TRHDE: variants seen among roughly 807,000 people sequenced by gnomAD.
TRHDE encodes the protein thyrotropin releasing hormone degrading enzyme.
A neutral mutation model predicts 125.7 loss-of-function variants in TRHDE; 72 were observed. That is an observed-to-expected ratio of 0.57 (90% confidence interval 0.47 to 0.70). The LOEUF is 0.70. Among genes scored for constraint, TRHDE ranks in the 30% least tolerant of loss-of-function variants. TRHDE has a pLI of 0.00. For missense variants in TRHDE, 1,110 were observed against 1,327.1 expected (o/e 0.84, Z 2.54); for synonymous variants, 509 against 509.1 (o/e 1.00, Z 0.00).
chr12:72,444,020 T>C (rs1349830707), intron 3 of TRHDE, among the ~76,000 whole-genome samples: 1 of 151,892 alleles, frequency 6.6e-6, no homozygotes, highest in Admixed American at 6.6e-5. Flanking sequence ...AATGCTAATT[T>C]ATTTCCTTCC....
At chr12:72,193,854 A>T (rs904589135) in intron 2 of TRHDE, among the ~76,000 whole-genome samples, 2 of 152,070 alleles carry the variant, frequency 1.3e-5, no homozygotes, top group African/African-American at 4.8e-5. Context: ...CATGAACAGG[A>T]TCCACACTTC....
At chr12:72,439,539 A>G (rs1874901188) in intron 3 of TRHDE, among the ~76,000 whole-genome samples, 1 of 151,482 alleles carries the variant, frequency 6.6e-6, no homozygotes, top group African/African-American at 2.4e-5. Context: ...TAGGTACTTA[A>G]TTTTTTTGTA....
chr12:72,280,598 AG>A (rs1879661734), intron 1 of TRHDE, among the ~76,000 whole-genome samples: 1 of 152,200 alleles, frequency 6.6e-6, no homozygotes, highest in African/African-American at 2.4e-5. Flanking sequence ...TTTCAGCCAG[AG>A]AATCTCCCAG....
At chr12:72,467,808 C>G (rs1412885722) in intron 3 of TRHDE, among the ~76,000 whole-genome samples, 1 of 152,174 alleles carries the variant, frequency 6.6e-6, no homozygotes, top group Non-Finnish European at 1.5e-5. Context: ...GAGCGAGACT[C>G]CATCTCAAAC....
At chr12:72,436,890 T>G (rs780280309) in intron 3 of TRHDE, among the ~76,000 whole-genome samples, 1 of 151,894 alleles carries the variant, frequency 6.6e-6, no homozygotes, top group Admixed American at 6.6e-5. Context: ...TACAGCAAAA[T>G]TTTAACACGC....
At chr12:72,149,053 C>G (rs535694096) in intron 2 of TRHDE, among the ~76,000 whole-genome samples, 1 of 151,990 alleles carries the variant, frequency 6.6e-6, no homozygotes, top group Admixed American at 6.6e-5. Flanking sequence ...TAGAAGCAGT[C>G]TTTGATTACC....
At chr12:72,205,711 G>A (rs1392355122) in intron 2 of TRHDE, among the ~76,000 whole-genome samples, 1 of 152,174 alleles carries the variant, frequency 6.6e-6, no homozygotes. Flanking sequence ...ACAAGGCTAA[G>A]TAGTATTCCA....
At position 72,273,583 on chromosome 12, in the gene TRHDE, C is replaced by A; in HGVS notation, c.914+26C>A. ...GTATGGAGGGAGGCGGTGCCCCGCG[C>A]TGCCCCACCCCGGCGCGCGGCTCGA... On this transcript the variant is annotated intron_variant, in intron 1 of 18. Transcript: ENST00000261180. This position sits in a 1 kb window ranked among gnomAD's most constrained non-coding sequence, Gnocchi z 5.3. The A allele has an allele frequency of 6.4e-7, 1 of 1,553,034 alleles. No individual in the cohort carries two copies. Among genetic ancestry groups the A allele is most frequent in the South Asian group, 1.2e-5 (1 of 86,204 alleles).
At chr12:72,476,780 T>C (rs761197749) in intron 5 of TRHDE, among the ~76,000 whole-genome samples, 1 of 152,186 alleles carries the variant, frequency 6.6e-6, no homozygotes, top group Non-Finnish European at 1.5e-5. Flanking sequence ...AATTACATAG[T>C]ATTGTTAAGG....
At chr12:72,635,273 T>C (rs1029001438) in intron 15 of TRHDE, among the ~76,000 whole-genome samples, 2 of 152,198 alleles carry the variant, frequency 1.3e-5, no homozygotes, top group Non-Finnish European at 2.9e-5. Flanking sequence ...CATTTTTTCA[T>C]GTGTTTTTTG....
intron 2 of TRHDE, among the ~76,000 whole-genome samples, chr12:72,189,728 C>T (rs912366975): frequency 4.6e-5 from 7 of 152,026 alleles, no homozygotes; most frequent in Non-Finnish European, 8.8e-5. Flanking sequence ...GGCAACATAT[C>T]CCACATTTGG....
intron 3 of TRHDE, among the ~76,000 whole-genome samples, chr12:72,453,106 A>T (rs1388789426): frequency 6.6e-6 from 1 of 152,228 alleles, no homozygotes; most frequent in African/African-American, 2.4e-5. Flanking sequence ...TTGGAGGCTC[A>T]GAAGAAGACA....
chr12:72,332,430 C>A (rs184548160), intron 2 of TRHDE, among the ~76,000 whole-genome samples: 3 of 152,214 alleles, frequency 2.0e-5, no homozygotes, highest in Non-Finnish European at 4.4e-5. Context: ...TGAGCCACTG[C>A]GCTCGGCCCC....
At chr12:72,419,330 C>G (rs1028400929) in intron 3 of TRHDE, among the ~76,000 whole-genome samples, 2 of 152,066 alleles carry the variant, frequency 1.3e-5, no homozygotes, top group Non-Finnish European at 2.9e-5. Flanking sequence ...TTGTCTTAGT[C>G]CATTTTGTGT....
chr12:72,497,316 T>A (rs1877963913), intron 5 of TRHDE, among the ~76,000 whole-genome samples: 1 of 152,154 alleles, frequency 6.6e-6, no homozygotes, highest in Non-Finnish European at 1.5e-5. Context: ...ATTTTATTTT[T>A]TAAATTATAT....
chr12:72,602,994 A>G (rs1020492780), intron 12 of TRHDE, among the ~76,000 whole-genome samples: 1 of 152,216 alleles, frequency 6.6e-6, no homozygotes, highest in African/African-American at 2.4e-5. Flanking sequence ...ATAGTTAGCA[A>G]TAGCCATAAC....
At chr12:72,444,276 G>GTTA (rs1875167308) in intron 3 of TRHDE, among the ~76,000 whole-genome samples, 1 of 151,778 alleles carries the variant, frequency 6.6e-6, no homozygotes. Context: ...CCCAATCTTG[G>GTTA]CAGCTTCTAC....
intron 7 of TRHDE, among the ~76,000 whole-genome samples, chr12:72,556,524 A>T (rs764315311): frequency 2.6e-4 from 39 of 152,206 alleles, no homozygotes; most frequent in Non-Finnish European, 5.4e-4. Context: ...CTCTTTTAGG[A>T]TTCATAGTCC....
chr12:72,519,979 C>G (rs539776343), intron 6 of TRHDE, among the ~76,000 whole-genome samples: 29 of 152,334 alleles, frequency 1.9e-4, no homozygotes, highest in South Asian at 4.1e-4. Context: ...GGACCCACTT[C>G]AGGAGGCAGT....
Sources: gnomAD v4.1 joint callset for allele counts (sites outside exome capture counted in the v4.1 genomes callset) on GRCh38, gnomAD v4.1.1 for gene constraint, Gnocchi (gnomAD v3.1) non-coding constraint, MANE v1.5 for transcripts, NCBI Gene and HGNC (gene_info 2026-07-23, HGNC 2026-07-21) for gene names.